Variants in SOX5 observed in about 807,000 individuals in gnomAD.
The protein encoded by SOX5 is SRY-box transcription factor 5.
SOX5 carries 9 observed loss-of-function variants against 92.0 expected under a neutral mutation model. The ratio of observed to expected loss-of-function variants is 0.10; its 90% CI spans 0.06 to 0.17. The LOEUF is 0.17. Among genes scored for constraint, SOX5 ranks in the 10% least tolerant of loss-of-function variants. The pLI, the probability that SOX5 is intolerant of heterozygous loss-of-function variation, is 1.00. For synonymous variants in SOX5, 344 were observed against 336.3 expected, an observed-to-expected ratio of 1.02 and a Z score of -0.25; for missense variants, 642 against 944.5, an observed-to-expected ratio of 0.68 and a Z score of 4.20.
intron 4 of SOX5, among the ~76,000 whole-genome samples, chr12:24,124,363 T>G (rs1218297554): frequency 6.6e-6 from 1 of 152,062 alleles, no homozygotes; most frequent in East Asian, 1.9e-4. Flanking sequence ...CACAGAACAT[T>G]TGGAGCGTGG....
intron 3 of SOX5, among the ~76,000 whole-genome samples, chr12:24,246,272 A>G (rs1471397343): frequency 6.7e-6 from 1 of 149,714 alleles, no homozygotes; most frequent in Non-Finnish European, 1.5e-5. Context: ...TTCTCAAATT[A>G]CAGACACAGA....
chr12:23,890,091 G>A (rs535045082), intron 2 of SOX5, among the ~76,000 whole-genome samples: 48 of 152,230 alleles, frequency 3.2e-4, no homozygotes, highest in Non-Finnish European at 2.5e-4. Flanking sequence ...AGGGCAAGGC[G>A]GGCGGATTAC....
intron 4 of SOX5, among the ~76,000 whole-genome samples, chr12:23,747,094 C>T (rs1446645520): frequency 1.3e-5 from 2 of 151,998 alleles, no homozygotes; most frequent in African/African-American, 2.4e-5. Flanking sequence ...TTATCAGCAG[C>T]GTGAAAACAG....
At chr12:24,086,299 C>G (rs922255352) in intron 4 of SOX5, among the ~76,000 whole-genome samples, 1 of 151,854 alleles carries the variant, frequency 6.6e-6, no homozygotes, top group Non-Finnish European at 1.5e-5. Context: ...ACTACATAGA[C>G]TCTCAGAATT....
intron 4 of SOX5, among the ~76,000 whole-genome samples, chr12:24,182,800 G>A (rs567721373): frequency 1.1e-4 from 17 of 152,242 alleles, no homozygotes; most frequent in South Asian, 6.2e-4. Flanking sequence ...TGCAACTTCC[G>A]CCTCACAGGT....
At chr12:24,148,433 T>G (rs1242959503) in intron 4 of SOX5, among the ~76,000 whole-genome samples, 1 of 137,022 alleles carries the variant, frequency 7.3e-6, no homozygotes, top group Non-Finnish European at 1.5e-5. Flanking sequence ...AGGCGGAGGT[T>G]GAAGTGAGCT....
intron 4 of SOX5, among the ~76,000 whole-genome samples, chr12:24,018,920 A>G (rs546669643): frequency 2.6e-5 from 4 of 152,340 alleles, no homozygotes; most frequent in Admixed American, 2.0e-4. Flanking sequence ...ACTGCCCTTC[A>G]CACAAAATTC....
At chr12:24,503,617 C>T (rs1235276029) in intron 1 of SOX5, among the ~76,000 whole-genome samples, 2 of 152,134 alleles carry the variant, frequency 1.3e-5, no homozygotes, top group Non-Finnish European at 2.9e-5. Context: ...AAATGTGGCA[C>T]ATATACACCA....
chr12:23,769,381 G>A (rs899739518), intron 3 of SOX5, among the ~76,000 whole-genome samples: 1 of 151,834 alleles, frequency 6.6e-6, no homozygotes, highest in East Asian at 1.9e-4. Context: ...AAAATAAGAG[G>A]GGAAAAAGTT....
At chr12:23,575,318 T>A (rs1286553386) in intron 10 of SOX5, among the ~76,000 whole-genome samples, 1 of 152,170 alleles carries the variant, frequency 6.6e-6, no homozygotes, top group African/African-American at 2.4e-5. Context: ...ACAAAAAAAA[T>A]GGAAATTTCA....
chr12:23,625,694 C>T (rs889780941), intron 8 of SOX5, among the ~76,000 whole-genome samples: 1 of 152,206 alleles, frequency 6.6e-6, no homozygotes, highest in African/African-American at 2.4e-5. Context: ...ACTGCAACCT[C>T]TGCGTCCTGG....
intron 4 of SOX5, among the ~76,000 whole-genome samples, chr12:24,075,342 A>C (rs1162102011): frequency 6.7e-6 from 1 of 150,374 alleles, no homozygotes; most frequent in East Asian, 1.9e-4. Context: ...AGGTTTTCCT[A>C]ATTTTTTATA....
intron 3 of SOX5, among the ~76,000 whole-genome samples, chr12:23,797,427 T>A (rs1393483272): frequency 9.9e-5 from 15 of 151,994 alleles, no homozygotes; most frequent in Admixed American, 9.9e-4. Context: ...GACCACTGAG[T>A]CACCCTCTAC....
chr12:23,979,926 CAGACAGACAGATAGATAGATAGAT>C, intron 4 of SOX5, among the ~76,000 whole-genome samples: 2 of 135,354 alleles, frequency 1.5e-5, no homozygotes, highest in African/African-American at 5.5e-5. Flanking sequence ...GACAGACAGA[CAGACAGACAGATAGATAGATAGAT>C]AGACAGACAG....
At chr12:23,582,190 T>G (rs1950136730) in intron 9 of SOX5, 1 of 985,184 alleles carries the variant, frequency 1.0e-6, no homozygotes, top group African/African-American at 1.7e-5. Context: ...GCACTCATCC[T>G]TTCTCTTTCG....
chr12:23,906,352 C>T (rs1003637559), intron 1 of SOX5, among the ~76,000 whole-genome samples: 1 of 152,030 alleles, frequency 6.6e-6, no homozygotes, highest in Middle Eastern at 3.2e-3. Flanking sequence ...AAGCTTTTTC[C>T]ATTTGAGCAT....
intron 8 of SOX5, among the ~76,000 whole-genome samples, chr12:23,620,508 C>T (rs1467765533): frequency 6.6e-6 from 1 of 151,652 alleles, no homozygotes; most frequent in Non-Finnish European, 1.5e-5. Flanking sequence ...TAAATATTTC[C>T]TCTTTCTTGT....
At chr12:23,636,892 G>A (rs2079326368) in intron 8 of SOX5, among the ~76,000 whole-genome samples, 1 of 152,136 alleles carries the variant, frequency 6.6e-6, no homozygotes, top group African/African-American at 2.4e-5. Flanking sequence ...ATGGATTTTG[G>A]ACTCTGTGAC....
chr12:23,930,404 C>A (rs1050905448), intron 1 of SOX5, among the ~76,000 whole-genome samples: 2 of 151,596 alleles, frequency 1.3e-5, no homozygotes, highest in South Asian at 2.1e-4. Context: ...CTCAAGTAAA[C>A]CTACAAAAGA....
Sources: allele counts gnomAD v4.1 joint callset (sites outside exome capture counted in the v4.1 genomes callset), GRCh38; gene constraint gnomAD v4.1.1; transcripts MANE v1.5; gene names NCBI Gene and HGNC (gene_info 2026-07-23, HGNC 2026-07-21).